Variants in GLI3 observed in about 807,000 individuals in gnomAD.
GLI3 encodes the protein transcription activator GLI3.
GLI3 carries 20 observed loss-of-function variants against 100.8 expected under a neutral mutation model. The ratio of observed to expected loss-of-function variants is 0.20; its 90% CI spans 0.14 to 0.29. The LOEUF (loss-of-function observed/expected upper bound fraction) is 0.29, where lower values mean the gene tolerates loss of function less well. Among genes scored for constraint, GLI3 ranks in the 10% least tolerant of loss-of-function variants. GLI3 has a pLI of 1.00. For missense variants in GLI3, 2,040 were observed against 2,128.5 expected, an observed-to-expected ratio of 0.96 and a Z score of 0.82; for synonymous variants, 938 against 860.5, an observed-to-expected ratio of 1.09 and a Z score of -1.58.
At chr7:41,981,118 C>G (rs187224054) in intron 10 of GLI3, among the ~76,000 whole-genome samples, 17 of 152,202 alleles carry the variant, frequency 1.1e-4, no homozygotes, top group Admixed American at 1.0e-3. Context: ...CTACAGCGGA[C>G]CGATGACACA....
In GLI3 at chr7:42,139,459, C is replaced by A. The variant is rs1283533091; in HGVS notation, c.367+8767G>T. ...CTTTGGGAGGCCGAGACGGGCAGAT[C>A]ACTTGAGGTTAGGAGTTCAAGACTA... is the stretch of plus-strand genomic sequence containing the variant. On this transcript the variant is annotated intron_variant, in intron 3 of 14. Coordinates refer to ENST00000395925, the MANE Select transcript of GLI3 (RefSeq NM_000168.6). 1.3e-3 allele frequency among the ~76,000 whole-genome samples: 193 copies of A among 152,266 alleles called. 1 individual carries two copies. Among genetic ancestry groups the A allele is most frequent in the Non-Finnish European group, 1.3e-4 (9 of 68,024 alleles).
intron 7 of GLI3, among the ~76,000 whole-genome samples, chr7:42,028,506 G>A (rs1789188209): frequency 6.6e-6 from 1 of 152,212 alleles, no homozygotes; most frequent in Non-Finnish European, 1.5e-5. Flanking sequence ...GCTCACGCCT[G>A]TAATCCCAGC....
At chr7:42,192,993 AAG>A (rs1787858463) in intron 2 of GLI3, among the ~76,000 whole-genome samples, 2 of 152,218 alleles carry the variant, frequency 1.3e-5, no homozygotes, top group African/African-American at 2.4e-5. Flanking sequence ...CTTGATGATT[AAG>A]AGACTGCAAT....
intron 10 of GLI3, among the ~76,000 whole-genome samples, chr7:41,987,616 C>A (rs1787867570): frequency 6.6e-6 from 1 of 152,164 alleles, no homozygotes; most frequent in Admixed American, 6.5e-5. Context: ...GATGGAGAAA[C>A]CTGAACTTTG....
chr7:42,092,025 C>T (rs1785231086), intron 3 of GLI3, among the ~76,000 whole-genome samples: 1 of 152,244 alleles, frequency 6.6e-6, no homozygotes, highest in Non-Finnish European at 1.5e-5. Context: ...GGAAGCAGGG[C>T]CAGTGGCGGC....
chr7:42,007,845 C>T (rs1252371548), intron 10 of GLI3, among the ~76,000 whole-genome samples: 1 of 152,068 alleles, frequency 6.6e-6, no homozygotes, highest in East Asian at 1.9e-4. Flanking sequence ...AGAGGTTCAC[C>T]CTTTCAAACA....
In GLI3 at chr7:42,162,665, C is replaced by A. The variant is rs991197335; in HGVS notation, c.125-14197G>T. Among the ~76,000 whole-genome samples the A allele has an allele frequency of 2.0e-5, 3 of 152,148 alleles. No individual in the cohort carries two copies. The South Asian group carries it at 6.2e-4, about 32-fold the overall frequency. Reference sequence around the variant, plus strand: ...CAATTCTGTCAATTCTACTGAGTTCCTCTTATCTACTCTACTGCCTGTAGA... The same window carrying A: ...CAATTCTGTCAATTCTACTGAGTTCATCTTATCTACTCTACTGCCTGTAGA... On this transcript the variant is annotated intron_variant, in intron 2 of 14. Transcript: ENST00000395925.
chr7:41,968,754 AAGAAAGAAGG>A (rs1787284696), intron 13 of GLI3, among the ~76,000 whole-genome samples: 21 of 131,170 alleles, frequency 1.6e-4, no homozygotes, highest in African/African-American at 5.6e-4. Flanking sequence ...GAAAGAAAGA[AAGAAAGAAGG>A]AAAGAAAGAA....
rs1787544708 is a variant in GLI3, at chr7:41,977,588, G to A, written c.1782C>T (p.Ala594=). 6.2e-7 allele frequency: 1 copy of A among 1,614,092 alleles called. No individual in the cohort carries two copies. The highest frequency in any genetic ancestry group is 8.5e-7 in the Non-Finnish European group (1 of 1,180,046). ...NKAFSNASDR[A]KHQNRTHSNE... ...TGGAATGCGTTCTGTTTTGGTGTTT[G>A]GCGCGATCAGAGGCATTTGAGAAAG... Residue 594 remains alanine (A), a synonymous_variant, in exon 12 of 15, where the codon GCC becomes GCT. Transcript: ENST00000395925.
chr7:42,245,022 G>A, intron 1 of GLI3, among the ~76,000 whole-genome samples: 1 of 152,204 alleles, frequency 6.6e-6, no homozygotes, highest in East Asian at 1.9e-4. Flanking sequence ...TGTTTCCCAA[G>A]GGAAATGACT....
chr7:42,262,238 T>TTCCTTCCTTCCTTCCTTCCC, intron 1 of GLI3, among the ~76,000 whole-genome samples: 1 of 147,836 alleles, frequency 6.8e-6, no homozygotes, highest in Non-Finnish European at 1.5e-5. Context: ...CCTTCCTTCC[T>TTCCTTCCTTCCTTCCTTCCC]TCCTTCCTTT....
intron 2 of GLI3, among the ~76,000 whole-genome samples, chr7:42,195,602 G>T (rs928865235): frequency 6.6e-6 from 1 of 152,134 alleles, no homozygotes; most frequent in Admixed American, 6.5e-5. Context: ...GCCCCCACTA[G>T]GTCCTCTCAT....
intron 3 of GLI3, among the ~76,000 whole-genome samples, chr7:42,110,208 A>G (rs1213192460): frequency 6.6e-6 from 1 of 152,234 alleles, no homozygotes; most frequent in Non-Finnish European, 1.5e-5. Flanking sequence ...TCCAAAATTT[A>G]TTGTTAGTAT....
intron 3 of GLI3, among the ~76,000 whole-genome samples, chr7:42,117,780 A>G (rs748569787): frequency 1.3e-5 from 2 of 152,204 alleles, no homozygotes; most frequent in Non-Finnish European, 2.9e-5. Context: ...TTTAGATTAA[A>G]GTGATAAATG....
chr7:42,153,236 G>A (rs1030276860), intron 2 of GLI3, among the ~76,000 whole-genome samples: 1 of 152,102 alleles, frequency 6.6e-6, no homozygotes. Flanking sequence ...TTGAAAAGAA[G>A]GTAATTGTGC....
At chr7:42,222,140 G>A (rs978206346) in intron 2 of GLI3, among the ~76,000 whole-genome samples, 3 of 152,184 alleles carry the variant, frequency 2.0e-5, no homozygotes, top group African/African-American at 7.2e-5. Context: ...TAATGTTCTG[G>A]ACTGCAGTTA....
At chr7:42,185,805 G>A (rs991099058) in intron 2 of GLI3, among the ~76,000 whole-genome samples, 2 of 152,180 alleles carry the variant, frequency 1.3e-5, no homozygotes, top group Admixed American at 1.3e-4. Flanking sequence ...GCAGTAGTGT[G>A]TACTCACTTT....
At chr7:42,163,445 T>C (rs1419705646) in intron 2 of GLI3, among the ~76,000 whole-genome samples, 1 of 151,822 alleles carries the variant, frequency 6.6e-6, no homozygotes, top group African/African-American at 2.4e-5. Flanking sequence ...TTTTTTTTTT[T>C]GAGACAGAGT....
chr7:42,213,879 A>G (rs951170528), intron 2 of GLI3, among the ~76,000 whole-genome samples: 1 of 152,266 alleles, frequency 6.6e-6, no homozygotes, highest in East Asian at 1.9e-4. Context: ...CTAATGACTA[A>G]CTAGACACAG....
Sources: allele counts gnomAD v4.1 joint callset (sites outside exome capture counted in the v4.1 genomes callset), GRCh38; gene constraint gnomAD v4.1.1; transcripts MANE v1.5; gene names NCBI Gene and HGNC (gene_info 2026-07-23, HGNC 2026-07-21).